Variants in ESRRB observed in about 807,000 individuals in gnomAD.
ESRRB encodes the protein estrogen related receptor beta.
Under a neutral mutation model 46.0 loss-of-function variants are expected in ESRRB, and 16 were observed. The observed-to-expected ratio is 0.35, with a 90% CI of 0.24 to 0.53. ESRRB has a LOEUF of 0.53. Among genes scored for constraint, ESRRB ranks in the 20% least tolerant of loss-of-function variants. The pLI is 0.93. For synonymous variants in ESRRB, 246 were observed against 259.6 expected (o/e 0.95, Z 0.50); for missense variants, 488 against 607.4 (o/e 0.80, Z 2.07).
chr14:76,391,754 C>G (rs571270220), intron 1 of ESRRB, among the ~76,000 whole-genome samples: 11 of 152,306 alleles, frequency 7.2e-5, no homozygotes, highest in African/African-American at 2.6e-4. Context: ...CTTTGGGGTG[C>G]ACCACTAGTG....
At chr14:76,367,079 G>A (rs1175834250), upstream of ESRRB, among the ~76,000 whole-genome samples, 3 of 152,174 alleles carry the variant, frequency 2.0e-5, no homozygotes, top group East Asian at 5.8e-4. Flanking sequence ...CGAGCATTAA[G>A]TTACTGGTAC....
intron 1 of ESRRB, among the ~76,000 whole-genome samples, chr14:76,378,166 T>G (rs1884857203): frequency 6.6e-6 from 1 of 152,228 alleles, no homozygotes; most frequent in Non-Finnish European, 1.5e-5. Context: ...CAGAGGTGAC[T>G]TCTTTAGTTG....
rs139708354 is a variant in ESRRB at position 76,356,912 on chromosome 14, G to A, written c.2+45996G>A. Reference sequence around the variant, plus strand: ...ATGATTTCCATCTCTCCTGAGGAGGGAAAGGGGCCTTGTTGGGCCTTTGAT... The same window carrying A: ...ATGATTTCCATCTCTCCTGAGGAGGAAAAGGGGCCTTGTTGGGCCTTTGAT... On this transcript the variant is annotated intron_variant, in intron 1 of 6. Transcript: ENST00000512784. 5.1e-3 allele frequency among the ~76,000 whole-genome samples: 784 copies of A among 152,318 alleles called. 10 individuals are homozygous for A. The highest frequency in any genetic ancestry group is 0.018 in the African/African-American group (729 of 41,564).
At chr14:76,371,349 G>A (rs111446027), upstream of ESRRB, 135 of 152,412 alleles carry the variant, frequency 8.9e-4, no homozygotes, top group Middle Eastern at 3.4e-3. Flanking sequence ...CAGCAGGTCC[G>A]CAGAGAGGTG....
rs561791513 is a variant in ESRRB, at chr14:76,463,744, G to A, written c.577+1083G>A. On this transcript the variant is annotated intron_variant, in intron 3 of 6. Coordinates refer to ENST00000644823, the MANE Select transcript of ESRRB (RefSeq NM_001379180.1). ...TTACAGGTGTAAGCCACCGCACCCG[G>A]CCTCTTTTTATCTATTCGTTAATGT... Among the ~76,000 whole-genome samples the A allele has an allele frequency of 7.9e-5, 12 of 152,160 alleles. No homozygotes were observed. In the South Asian group the frequency reaches 2.5e-3, roughly 32 times the overall value.
In ESRRB at chr14:76,439,676, A is replaced by G; in HGVS notation, c.386A>G (p.Asp129Gly). 6.2e-7 allele frequency: 1 copy of G among 1,614,174 alleles called. No individual in the cohort carries two copies. Among genetic ancestry groups the G allele is most frequent in the Non-Finnish European group, 8.5e-7 (1 of 1,180,024 alleles). Residue 129 changes from aspartate to glycine, a missense_variant, in exon 2 of 7, where the codon GAC becomes GGC. Transcript: ENST00000644823. ...AAGCGCCTGTGCCTCGTGTGCGGGG[A>G]CATTGCCTCTGGCTACCACTACGGC... The part of the protein sequence containing the change: ...IPKRLCLVCG[D>G]IASGYHYGVA...
At chr14:76,484,889 C>G (rs918493128) in intron 5 of ESRRB, among the ~76,000 whole-genome samples, 3 of 152,194 alleles carry the variant, frequency 2.0e-5, no homozygotes, top group Admixed American at 2.0e-4. Flanking sequence ...CGATAGAGCC[C>G]CTTCACGGGA....
intron 1 of ESRRB, among the ~76,000 whole-genome samples, chr14:76,315,941 T>A (rs1595042416): frequency 6.6e-6 from 1 of 152,198 alleles, no homozygotes; most frequent in Admixed American, 6.5e-5. Flanking sequence ...GAGAATTTTC[T>A]TAAGTTTCTT....
At chr14:76,498,137 C>G in intron 6 of ESRRB, 77 bp from the exon 7 acceptor site, 2 of 1,582,852 alleles carry the variant, frequency 1.3e-6, no homozygotes, top group East Asian at 2.2e-5. Context: ...CATGCTGCCT[C>G]CTGGACCCCA....
intron 1 of ESRRB, among the ~76,000 whole-genome samples, chr14:76,382,844 A>T (rs574464843): frequency 2.4e-4 from 37 of 151,660 alleles, no homozygotes; most frequent in South Asian, 1.0e-3. Context: ...TTCTTTTTTA[A>T]AAAAAAAATG....
chr14:76,469,951 T>C (rs1421174006), intron 3 of ESRRB, among the ~76,000 whole-genome samples: 40 of 133,404 alleles, frequency 3.0e-4, no homozygotes, highest in Non-Finnish European at 5.1e-4. Context: ...TTTCTTTTTT[T>C]TTTTTTTTTT....
At chr14:76,417,946 T>G (rs1462353152) in intron 1 of ESRRB, among the ~76,000 whole-genome samples, 2 of 133,742 alleles carry the variant, frequency 1.5e-5, no homozygotes, top group South Asian at 4.9e-4. Context: ...TTTACATACT[T>G]TTTTTTTTTT....
upstream of ESRRB, among the ~76,000 whole-genome samples, chr14:76,368,230 C>T (rs1198111169): frequency 6.6e-6 from 1 of 151,262 alleles, no homozygotes; most frequent in African/African-American, 2.4e-5. Context: ...TCCTCAGCCT[C>T]CCAAAGTGCT....
rs939052783 is a variant in ESRRB, at chr14:76,376,865, CTTTGT to C, written c.50+418_50+422del. Among the ~76,000 whole-genome samples, 3 of 152,178 alleles carry C rather than the reference CTTTGT, an allele frequency of 2.0e-5. No homozygotes were observed. Among genetic ancestry groups the C allele is most frequent in the African/African-American group, 7.2e-5 (3 of 41,440 alleles). On this transcript the variant is annotated intron_variant, in intron 1 of 6. Transcript: ENST00000644823. The surrounding 1 kb of genome is among the most constrained non-coding windows in gnomAD (Gnocchi z 4.1). ...TCAGAGAAAGCCTTTCCCGCGGGCG[CTTTGT>C]TTTATTATTTCCATCCTGGGGACCA...
chr14:76,499,551 C>T lies in ESRRB; in HGVS notation c.*1093C>T, dbSNP rs1890580051. On this transcript the variant is annotated 3_prime_UTR_variant, in exon 7 of 7. Transcript: ENST00000644823. ...TCCTTCCTGGCTTCCCTTCCCTGCA[C>T]TCAGCATCATGCCACAGGGCTAGTG... 1 of 460,968 alleles carries T rather than the reference C, an allele frequency of 2.2e-6. No homozygotes were observed. Among genetic ancestry groups the T allele is most frequent in the Non-Finnish European group, 4.0e-6 (1 of 249,104 alleles). The allele number at this position is 460,968 out of a possible 1,614,324, so 28.6% of individuals were successfully genotyped here. A position where few individuals can be genotyped will look rare whatever the true frequency, so the allele number is the denominator to read the frequency against.
Position 76,500,314 on chromosome 14 carries a change from C to T in ESRRB, c.*1856C>T, listed in dbSNP as rs1186955448. 6.8e-6 allele frequency: 4 copies of T among 590,472 alleles called. No homozygotes were observed. Among genetic ancestry groups the T allele is most frequent in the African/African-American group, 1.9e-5 (1 of 53,756 alleles). The allele number at this position is 590,472 out of a possible 1,614,324, so 36.6% of individuals were successfully genotyped here. ...CCGGCTCCCCTTGCCTGTGGGGAATCGGGTCTGAGTCACTTGATGAGTAGG... is the reference window on the plus strand; with the variant it reads ...CCGGCTCCCCTTGCCTGTGGGGAATTGGGTCTGAGTCACTTGATGAGTAGG... On this transcript the variant is annotated 3_prime_UTR_variant, in exon 7 of 7. Transcript: ENST00000644823.
At chr14:76,495,431 T>A (rs1432864480) in intron 6 of ESRRB, 1 of 152,034 alleles carries the variant, frequency 6.6e-6, no homozygotes, top group African/African-American at 2.4e-5. Flanking sequence ...ACGTTGCTTA[T>A]TCCAGAGAGC....
At chr14:76,379,126 G>C (rs564295230) in intron 1 of ESRRB, among the ~76,000 whole-genome samples, 1 of 152,182 alleles carries the variant, frequency 6.6e-6, no homozygotes, top group Non-Finnish European at 1.5e-5. Flanking sequence ...CACACACAGA[G>C]AGAAACATAC....
intron 1 of ESRRB, among the ~76,000 whole-genome samples, chr14:76,407,127 G>A (rs1790914321): frequency 6.6e-6 from 1 of 152,238 alleles, no homozygotes; most frequent in African/African-American, 2.4e-5. Context: ...GGCCCCAGGA[G>A]TCACAGCACA....
Sources: gnomAD v4.1 joint callset for allele counts (sites outside exome capture counted in the v4.1 genomes callset) on GRCh38, gnomAD v4.1.1 for gene constraint, Gnocchi (gnomAD v3.1) non-coding constraint, MANE v1.5 for transcripts, NCBI Gene and HGNC (gene_info 2026-07-23, HGNC 2026-07-21) for gene names.